SGIP1: variants seen among roughly 807,000 people sequenced by gnomAD.
SGIP1 encodes the protein SH3-containing GRB2-like protein 3-interacting protein 1.
SGIP1 carries 38 observed loss-of-function variants against 107.5 expected under a neutral mutation model. The ratio of observed to expected loss-of-function variants is 0.35; its 90% CI spans 0.27 to 0.46. The LOEUF is 0.46. Among genes scored for constraint, SGIP1 ranks in the 20% least tolerant of loss-of-function variants. The pLI, the probability that SGIP1 is intolerant of heterozygous loss-of-function variation, is 1.00. For synonymous variants in SGIP1, 365 were observed against 366.1 expected (o/e 1.00, Z 0.03); for missense variants, 929 against 1,019.5 (o/e 0.91, Z 1.21).
chr1:66,737,605 C>T (rs527280173), intron 21 of SGIP1, among the ~76,000 whole-genome samples: 1 of 152,262 alleles, frequency 6.6e-6, no homozygotes, highest in Admixed American at 6.5e-5. Flanking sequence ...TGGCCACTGA[C>T]CTCAGGTGCT....
At chr1:66,706,879 A>G in intron 18 of SGIP1, among the ~76,000 whole-genome samples, 2 of 152,166 alleles carry the variant, frequency 1.3e-5, no homozygotes, top group East Asian at 1.9e-4. Flanking sequence ...TGACACTTCA[A>G]AGTATTTACA....
chr1:66,679,809 G>T, intron 14 of SGIP1, 57 bp downstream of exon 14: 7 of 1,445,184 alleles, frequency 4.8e-6, no homozygotes, highest in Non-Finnish European at 6.5e-6. Flanking sequence ...AGTGGCCCCG[G>T]ATGAACATGC....
chr1:66,725,600 G>A (rs887912252), intron 19 of SGIP1, among the ~76,000 whole-genome samples: 1 of 152,154 alleles, frequency 6.6e-6, no homozygotes, highest in Non-Finnish European at 1.5e-5. Context: ...CTTTAGCCAA[G>A]GTAGAGTAAC....
intron 2 of SGIP1, among the ~76,000 whole-genome samples, chr1:66,630,802 G>GGAAAGAAAGAAAGAAA (rs71058465): frequency 1.7e-5 from 1 of 57,568 alleles, no homozygotes; most frequent in Non-Finnish European, 3.3e-5. Context: ...GCAAAACTCC[G>GGAAAGAAAGAAAGAAA]GAAAGAAAGA....
intron 1 of SGIP1, among the ~76,000 whole-genome samples, chr1:66,538,083 T>C (rs1161365163): frequency 6.6e-6 from 1 of 152,180 alleles, no homozygotes; most frequent in Non-Finnish European, 1.5e-5. Flanking sequence ...ATTTAAAAAA[T>C]TTTGCATAAT....
chr1:66,628,591 T>C (rs2073518144), intron 2 of SGIP1: 1 of 154,790 alleles, frequency 6.5e-6, no homozygotes, highest in Non-Finnish European at 1.5e-5. Flanking sequence ...ACAATGTCTG[T>C]AATTGACTGC....
At chr1:66,702,559 AAAG>A (rs143706523) in intron 18 of SGIP1, among the ~76,000 whole-genome samples, 11,039 of 152,316 alleles carry the variant, frequency 0.072, 429 homozygotes, top group South Asian at 0.13. Context: ...CATTCAAATT[AAAG>A]AAGAATGAAA....
At chr1:66,539,846 G>A (rs983626166) in intron 1 of SGIP1, among the ~76,000 whole-genome samples, 1 of 152,202 alleles carries the variant, frequency 6.6e-6, no homozygotes, top group South Asian at 2.1e-4. Context: ...GTCCATCTCA[G>A]CCCGCTCTCT....
intron 1 of SGIP1, among the ~76,000 whole-genome samples, chr1:66,611,414 A>G (rs998845366): frequency 3.3e-5 from 5 of 152,230 alleles, no homozygotes; most frequent in African/African-American, 9.6e-5. Context: ...CAAAGAGCCA[A>G]GCTTCTCTTC....
intron 1 of SGIP1, among the ~76,000 whole-genome samples, chr1:66,573,714 A>G (rs1569723236): frequency 6.6e-6 from 1 of 152,062 alleles, no homozygotes; most frequent in East Asian, 1.9e-4. Flanking sequence ...ATGAGAACAC[A>G]TAGACACGCA....
At chr1:66,563,271 T>A (rs1366699612) in intron 1 of SGIP1, among the ~76,000 whole-genome samples, 1 of 151,974 alleles carries the variant, frequency 6.6e-6, no homozygotes, top group Non-Finnish European at 1.5e-5. Flanking sequence ...ACTTTAATAC[T>A]GCAAAGTGTT....
chr1:66,739,567 G>A (rs754171347), intron 22 of SGIP1, 30 bp downstream of exon 22: 21 of 1,609,572 alleles, frequency 1.3e-5, no homozygotes, highest in Non-Finnish European at 1.8e-5. Flanking sequence ...CTCCACCAAA[G>A]GGCTCCTCTG....
At chr1:66,711,242 A>C (rs1052066037) in intron 18 of SGIP1, among the ~76,000 whole-genome samples, 1 of 152,172 alleles carries the variant, frequency 6.6e-6, no homozygotes. Context: ...GTTATTGACT[A>C]TCCTCAAATA....
intron 7 of SGIP1, among the ~76,000 whole-genome samples, chr1:66,654,262 C>T (rs1335071633): frequency 1.3e-5 from 2 of 152,100 alleles, no homozygotes; most frequent in Non-Finnish European, 2.9e-5. Context: ...TTTTTCACTA[C>T]TTGATGGGTG....
At chr1:66,677,389 G>A (rs1256809495) in intron 13 of SGIP1, among the ~76,000 whole-genome samples, 1 of 152,152 alleles carries the variant, frequency 6.6e-6, no homozygotes, top group East Asian at 1.9e-4. Flanking sequence ...AGAATAAGAA[G>A]CAAGGGAGCT....
intron 4 of SGIP1, among the ~76,000 whole-genome samples, chr1:66,636,933 C>A (rs2149435836): frequency 6.6e-6 from 1 of 152,110 alleles, no homozygotes; most frequent in Middle Eastern, 3.4e-3. Context: ...AAGTAAAATA[C>A]CTATGAAGAC....
In SGIP1 at chr1:66,592,897, C is replaced by CTTTT. The variant is rs35762612; in HGVS notation, c.11-32923_11-32920dup. ...CTTTCCTTCTTTCTTTCTTCTTCTT[C>CTTTT]TTTTTTTTTTTTTTTTTTTTTTTTT... is the stretch of plus-strand genomic sequence containing the variant. On this transcript the variant is annotated intron_variant, in intron 1 of 24. Transcript: ENST00000371037. Among the ~76,000 whole-genome samples, 313 of 56,358 alleles carry CTTTT rather than the reference C, an allele frequency of 5.6e-3. 6 individuals carry two copies. The highest frequency in any genetic ancestry group is 6.6e-3 in the Non-Finnish European group (222 of 33,594). 37.0% of individuals were successfully genotyped at this position (56,358 alleles called of 152,430 possible).
chr1:66,599,668 T>C (rs576308303), intron 1 of SGIP1, among the ~76,000 whole-genome samples: 1 of 152,332 alleles, frequency 6.6e-6, no homozygotes. Context: ...CCCCACTTGA[T>C]TTTGAGTATA....
intron 1 of SGIP1, 41 bp from the exon 2 acceptor site, chr1:66,625,806 G>C (rs2072531347): frequency 6.4e-7 from 1 of 1,568,402 alleles, no homozygotes; most frequent in Non-Finnish European, 8.8e-7. Context: ...TCACTTGAAT[G>C]TTGCTGAGAG....
Sources: gnomAD v4.1 joint callset for allele counts (sites outside exome capture counted in the v4.1 genomes callset) on GRCh38, gnomAD v4.1.1 for gene constraint, MANE v1.5 for transcripts, NCBI Gene and HGNC (gene_info 2026-07-23, HGNC 2026-07-21) for gene names.